GNAQ: variants seen among roughly 807,000 people sequenced by gnomAD.
The protein encoded by GNAQ is guanine nucleotide-binding protein G(q) subunit alpha.
In GNAQ, 8 loss-of-function variants were observed where a neutral mutation model predicts 43.9. That is an observed-to-expected ratio of 0.18 (90% CI 0.11 to 0.33). The LOEUF is 0.33. Ranked by LOEUF, GNAQ falls within the 10% of genes least tolerant of loss-of-function variation. The probability of loss-of-function intolerance (pLI) is 1.00; values close to 1 mark genes in which losing one functional copy is unlikely to be tolerated. For missense variants in GNAQ, 158 were observed against 450.8 expected, an observed-to-expected ratio of 0.35 and a Z score of 5.88; for synonymous variants, 155 against 170.7, an observed-to-expected ratio of 0.91 and a Z score of 0.71.
chr9:77,802,656 G>A (rs1826765018), intron 3 of GNAQ, among the ~76,000 whole-genome samples: 2 of 152,200 alleles, frequency 1.3e-5, no homozygotes, highest in East Asian at 3.9e-4. Context: ...TGGCTGTTGA[G>A]GTCATTCTCA....
At chr9:77,798,942 A>G (rs537724480) in intron 3 of GNAQ, among the ~76,000 whole-genome samples, 1 of 152,306 alleles carries the variant, frequency 6.6e-6, no homozygotes, top group South Asian at 2.1e-4. Flanking sequence ...CACAATCAGG[A>G]CACAGAATTG....
intron 2 of GNAQ, among the ~76,000 whole-genome samples, chr9:77,840,684 G>C (rs1827475868): frequency 6.6e-6 from 1 of 151,940 alleles, no homozygotes; most frequent in Non-Finnish European, 1.5e-5. Context: ...TCTTACATCT[G>C]AATCAAATAC....
At chr9:77,784,726 C>T (rs953505966) in intron 5 of GNAQ, among the ~76,000 whole-genome samples, 2 of 152,056 alleles carry the variant, frequency 1.3e-5, no homozygotes, top group South Asian at 2.1e-4. Flanking sequence ...AACTTAACAA[C>T]GGACGTGCAT....
At chr9:77,843,476 T>C (rs564878700) in intron 2 of GNAQ, among the ~76,000 whole-genome samples, 2 of 152,268 alleles carry the variant, frequency 1.3e-5, no homozygotes, top group African/African-American at 2.4e-5. Context: ...TTCCAGATAA[T>C]TGAGTGATGA....
chr9:77,946,101 A>G (rs748388276), intron 1 of GNAQ, among the ~76,000 whole-genome samples: 7 of 152,178 alleles, frequency 4.6e-5, no homozygotes, highest in Non-Finnish European at 8.8e-5. Context: ...CAGAGGAGAG[A>G]GGACCAAATG....
At chr9:77,958,841 A>C (rs1217845678) in intron 1 of GNAQ, among the ~76,000 whole-genome samples, 1 of 152,182 alleles carries the variant, frequency 6.6e-6, no homozygotes, top group Non-Finnish European at 1.5e-5. Context: ...ACATTTGCAG[A>C]CTGATTTCAA....
chr9:77,808,806 AATATTTTCACCATACAACGGTCTT>A (rs1358878200), intron 3 of GNAQ, among the ~76,000 whole-genome samples: 1 of 152,120 alleles, frequency 6.6e-6, no homozygotes, highest in Non-Finnish European at 1.5e-5. Context: ...ACCTTGACCT[AATATTTTCACCATACAACGGTCTT>A]ATCTGCCTTC....
intron 1 of GNAQ, among the ~76,000 whole-genome samples, chr9:77,942,219 A>C (rs891930324): frequency 2.0e-4 from 31 of 152,190 alleles, no homozygotes; most frequent in African/African-American, 6.8e-4. Flanking sequence ...TTAAGTCAGA[A>C]GATGTGGAAG....
intron 2 of GNAQ, among the ~76,000 whole-genome samples, chr9:77,868,145 G>A (rs1181660661): frequency 6.6e-6 from 1 of 152,178 alleles, no homozygotes; most frequent in Non-Finnish European, 1.5e-5. Context: ...ACAGCATATA[G>A]CATATGAATA....
chr9:77,765,176 A>G (rs371211570), intron 5 of GNAQ, among the ~76,000 whole-genome samples: 1 of 152,170 alleles, frequency 6.6e-6, no homozygotes, highest in Admixed American at 6.5e-5. Flanking sequence ...AAAAAATCAG[A>G]ACTGAAAGGA....
chr9:77,846,366 T>G (rs1379544055), intron 2 of GNAQ, among the ~76,000 whole-genome samples: 2 of 152,210 alleles, frequency 1.3e-5, no homozygotes, highest in African/African-American at 4.8e-5. Context: ...TCACCCTGCC[T>G]GCTCCATTCA....
Position 77,749,737 on chromosome 9 carries a change from AAC to A in GNAQ, c.736-21072_736-21071del, listed in dbSNP as rs1229775283. On this transcript the variant is annotated intron_variant, in intron 5 of 6. Transcript: ENST00000286548. ...GCAATCCAGTATATTCACACACAGA[AAC>A]ACAGACATATAAAACTAACATTTCA... Among the ~76,000 whole-genome samples, 4 of 152,308 alleles carry A rather than the reference AAC, an allele frequency of 2.6e-5. No homozygotes were observed. The East Asian group carries it at 5.8e-4, about 22-fold the overall frequency.
intron 2 of GNAQ, among the ~76,000 whole-genome samples, chr9:77,901,668 G>A (rs1413039437): frequency 6.6e-6 from 1 of 152,184 alleles, no homozygotes; most frequent in East Asian, 1.9e-4. Context: ...AGCTACCCTA[G>A]AAATCCTGGT....
intron 1 of GNAQ, among the ~76,000 whole-genome samples, chr9:78,030,002 AATC>A (rs1406838513): frequency 1.3e-5 from 2 of 152,288 alleles, no homozygotes; most frequent in South Asian, 2.1e-4. Context: ...TCCCAGAGAT[AATC>A]ATCAATAAAT....
At chr9:77,728,904 A>G (rs749758828) in intron 5 of GNAQ, among the ~76,000 whole-genome samples, 2 of 152,218 alleles carry the variant, frequency 1.3e-5, no homozygotes, top group Non-Finnish European at 2.9e-5. Context: ...AAAATCAGCT[A>G]AAATAGCTCT....
chr9:78,016,952 CG>C (rs935660400), intron 1 of GNAQ, among the ~76,000 whole-genome samples: 1 of 151,858 alleles, frequency 6.6e-6, no homozygotes, highest in Non-Finnish European at 1.5e-5. Context: ...TGTTGTGTTA[CG>C]TTACGTTATG....
intron 2 of GNAQ, among the ~76,000 whole-genome samples, chr9:77,874,380 T>A (rs535958374): frequency 1.5e-4 from 23 of 152,278 alleles, no homozygotes; most frequent in Non-Finnish European, 1.5e-4. Flanking sequence ...TCCAAGATAT[T>A]CTTCCTTCCA....
intron 2 of GNAQ, among the ~76,000 whole-genome samples, chr9:77,838,087 T>C (rs887904055): frequency 6.6e-6 from 1 of 150,388 alleles, no homozygotes; most frequent in African/African-American, 2.5e-5. Flanking sequence ...TGACCTCAGG[T>C]GATCCACCAA....
At chr9:77,794,310 ACAGGATTAT>A in intron 5 of GNAQ, among the ~76,000 whole-genome samples, 144 bp downstream of exon 5, 1 of 152,180 alleles carries the variant, frequency 6.6e-6, no homozygotes, top group East Asian at 1.9e-4. Flanking sequence ...AGAGCTTACC[ACAGGATTAT>A]TTTTGGTTAT....
Sources: gnomAD v4.1 joint callset for allele counts (sites outside exome capture counted in the v4.1 genomes callset) on GRCh38, gnomAD v4.1.1 for gene constraint, MANE v1.5 for transcripts, NCBI Gene and HGNC (gene_info 2026-07-23, HGNC 2026-07-21) for gene names.